WDR93: variants seen among roughly 807,000 people sequenced by gnomAD.
The protein encoded by WDR93 is WD repeat-containing protein 93.
WDR93 carries 73 observed loss-of-function variants against 82.9 expected under a neutral mutation model. That is an observed-to-expected ratio of 0.88 (90% CI 0.73 to 1.07). WDR93 has a LOEUF of 1.07. WDR93 is among the 50% of genes least tolerant of loss of function. WDR93 has a pLI of 0.00. For missense variants in WDR93, 738 were observed against 826.0 expected (o/e 0.89, Z 1.31); for synonymous variants, 283 against 300.1 (o/e 0.94, Z 0.59).
At chr15:89,715,142 G>T in intron 6 of WDR93, 47 bp downstream of exon 6, 1 of 1,549,978 alleles carries the variant, frequency 6.5e-7, no homozygotes, top group South Asian at 1.2e-5. Context: ...CCCTACCCCT[G>T]ACCCACATCT....
chr15:89,733,979 A>G (rs2093023464), intron 13 of WDR93, among the ~76,000 whole-genome samples: 1 of 151,876 alleles, frequency 6.6e-6, no homozygotes, highest in Admixed American at 6.6e-5. Flanking sequence ...AATGCATGCA[A>G]ATGAACCTGT....
intron 5 of WDR93, among the ~76,000 whole-genome samples, chr15:89,713,454 T>G (rs755883937): frequency 1.3e-5 from 2 of 149,690 alleles, no homozygotes; most frequent in African/African-American, 2.5e-5. Context: ...ATGTCAGGTA[T>G]TTGAGGAACA....
intron 7 of WDR93, among the ~76,000 whole-genome samples, chr15:89,721,724 A>G (rs1231329245): frequency 6.6e-6 from 1 of 152,170 alleles, no homozygotes; most frequent in African/African-American, 2.4e-5. Flanking sequence ...TCCTGGCCTC[A>G]AGCGTTCTTC....
In WDR93 at chr15:89,735,516, T is replaced by C; in HGVS notation, c.1571T>C (p.Ile524Thr). The C allele has an allele frequency of 6.2e-7, 1 of 1,614,172 alleles. No individual in the cohort carries two copies. Among genetic ancestry groups the C allele is most frequent in the Non-Finnish European group, 8.5e-7 (1 of 1,180,026 alleles). Residue 524 changes from isoleucine to threonine, a missense_variant, in exon 14 of 17, where the codon ATC (isoleucine) becomes ACC (threonine). Transcript: ENST00000268130. The part of the protein sequence containing the change: ...ERPVKHLDKT[I>T]CAVAPVPALP... ...CCTGTAAAGCACCTGGATAAAACCA[T>C]CTGTGCCGTGGCCCCAGTCCCAGCC... is the stretch of plus-strand genomic sequence containing the variant.
At chr15:89,729,900 G>C (rs1454538533) in intron 11 of WDR93, 131 bp downstream of exon 11, 4 of 763,810 alleles carry the variant, frequency 5.2e-6, no homozygotes, top group African/African-American at 3.5e-5. Context: ...GCAGGCAGTA[G>C]GGGGTTTGGT....
At chr15:89,724,172 CCA>C (rs1210732146) in intron 8 of WDR93, among the ~76,000 whole-genome samples, 1 of 118,672 alleles carries the variant, frequency 8.4e-6, no homozygotes, top group East Asian at 2.1e-4. Flanking sequence ...AACCCCATCT[CCA>C]CAAAAAAAAA....
At chr15:89,694,871 G>C (rs1965087287) in intron 1 of WDR93, among the ~76,000 whole-genome samples, 1 of 152,202 alleles carries the variant, frequency 6.6e-6, no homozygotes, top group Non-Finnish European at 1.5e-5. Flanking sequence ...GCAAGGTATG[G>C]ATCGGCATTC....
In WDR93 at chr15:89,743,344, C is replaced by T. The variant is rs746583194; in HGVS notation, c.2014C>T (p.Leu672Phe). Residue 672 changes from leucine to phenylalanine, a missense_variant, in exon 17 of 17, where the codon CTT becomes TTT. Coordinates refer to ENST00000268130, the MANE Select transcript of WDR93 (RefSeq NM_020212.2). ...GAAGGAGGAGGAGCACTGGGCCCGG[C>T]TTCAGAGGTACTCCTTGTCGCTCCA... ...PEKEEEHWAR[L>F]QRYSLSLQRE... 8 of 1,614,070 alleles carry T rather than the reference C, an allele frequency of 5.0e-6. No individual in the cohort carries two copies. The South Asian group carries it at 8.8e-5, about 18-fold the overall frequency.
intron 16 of WDR93, among the ~76,000 whole-genome samples, chr15:89,741,765 T>A (rs1420188730): frequency 6.6e-6 from 1 of 152,092 alleles, no homozygotes; most frequent in East Asian, 1.9e-4. Context: ...AATACTTTTT[T>A]TTTTTGAGAT....
At chr15:89,717,687 C>G (rs1402720353) in intron 7 of WDR93, among the ~76,000 whole-genome samples, 4 of 152,236 alleles carry the variant, frequency 2.6e-5, no homozygotes. Context: ...CCTCTTCACT[C>G]TAGCTTTCCT....
chr15:89,737,810 T>C (rs755669562), intron 15 of WDR93, 81 bp downstream of exon 15: 1 of 1,572,676 alleles, frequency 6.4e-7, no homozygotes, highest in African/African-American at 1.4e-5. Flanking sequence ...GCCCCTCCGA[T>C]CTCCTCCCCA....
At chr15:89,699,641 T>A (rs184540846) in intron 1 of WDR93, among the ~76,000 whole-genome samples, 65 of 152,214 alleles carry the variant, frequency 4.3e-4, no homozygotes, top group Non-Finnish European at 7.6e-4. Flanking sequence ...TTTTTTTCAG[T>A]CTTTTTTATT....
intron 5 of WDR93, chr15:89,714,487 G>A (rs139901465): frequency 0.012 from 1,817 of 154,944 alleles, 28 homozygotes; most frequent in South Asian, 0.031. Context: ...CACCATGCCC[G>A]GCTAATTTTT....
At chr15:89,730,501 C>T (rs960857167) in intron 11 of WDR93, among the ~76,000 whole-genome samples, 27 of 152,162 alleles carry the variant, frequency 1.8e-4, no homozygotes, top group African/African-American at 6.5e-4. Flanking sequence ...TTGTCTAGTG[C>T]ATGCGTTTGT....
At chr15:89,722,794 G>T (rs1053904730) in intron 8 of WDR93, among the ~76,000 whole-genome samples, 17 of 151,958 alleles carry the variant, frequency 1.1e-4, no homozygotes, top group African/African-American at 3.9e-4. Flanking sequence ...ATTCACACAT[G>T]ATCACAAAGA....
Position 89,731,475 on chromosome 15 carries a change from A to G in WDR93, c.1243A>G (p.Ile415Val), listed in dbSNP as rs762594842. 6.2e-7 allele frequency: 1 copy of G among 1,614,106 alleles called. No individual in the cohort carries two copies. The highest frequency in any genetic ancestry group is 8.5e-7 in the Non-Finnish European group (1 of 1,179,998). The change falls in exon 12 of 17, where the codon ATT (isoleucine) becomes GTT (valine). Residue 415 changes from isoleucine to valine, a missense_variant. Coordinates refer to ENST00000268130, the MANE Select transcript of WDR93 (RefSeq NM_020212.2). The part of the protein sequence containing the change: ...PEGVWPCAAP[I>V]AVSQLSCSSS... The stretch of plus-strand genomic sequence containing the variant: ...GGGTGTGTGGCCCTGTGCTGCGCCC[A>G]TTGCAGTCTCTCAGCTCAGCTGCTC...
chr15:89,711,733 G>A (rs757900569), intron 4 of WDR93, among the ~76,000 whole-genome samples: 6 of 152,056 alleles, frequency 3.9e-5, no homozygotes, highest in Non-Finnish European at 8.8e-5. Flanking sequence ...TAGGCTTTAG[G>A]GTTTGCACAC....
intron 4 of WDR93, among the ~76,000 whole-genome samples, chr15:89,708,658 T>A (rs1965828116): frequency 6.6e-6 from 1 of 152,154 alleles, no homozygotes; most frequent in Non-Finnish European, 1.5e-5. Context: ...ACACAGACAG[T>A]CATAAAAGAA....
chr15:89,741,720 C>T (rs1213064548), intron 16 of WDR93, among the ~76,000 whole-genome samples: 1 of 152,114 alleles, frequency 6.6e-6, no homozygotes, highest in East Asian at 1.9e-4. Flanking sequence ...ATTCATATAA[C>T]CGGTTATATA....
Sources: gnomAD v4.1 joint callset for allele counts (sites outside exome capture counted in the v4.1 genomes callset) on GRCh38, gnomAD v4.1.1 for gene constraint, MANE v1.5 for transcripts, NCBI Gene and HGNC (gene_info 2026-07-23, HGNC 2026-07-21) for gene names.